Variants in PATJ observed in about 807,000 individuals in gnomAD.
The protein encoded by PATJ is inaD-like protein.
A neutral mutation model predicts 224.9 loss-of-function variants in PATJ; 190 were observed. That is an observed-to-expected ratio of 0.84 (90% confidence interval 0.75 to 0.95). The LOEUF (loss-of-function observed/expected upper bound fraction) is 0.95. Ranked by LOEUF, PATJ falls within the 40% of genes least tolerant of loss-of-function variation. The pLI, the probability that PATJ is intolerant of heterozygous loss-of-function variation, is 0.00. For missense variants in PATJ, 2,121 were observed against 2,270.3 expected, an observed-to-expected ratio of 0.93 and a Z score of 1.34; for synonymous variants, 769 against 820.3, an observed-to-expected ratio of 0.94 and a Z score of 1.07.
chr1:62,075,779 G>A (rs1036016188), intron 31 of PATJ, among the ~76,000 whole-genome samples: 2 of 152,014 alleles, frequency 1.3e-5, no homozygotes, highest in South Asian at 2.1e-4. Context: ...TTAGCCAGGC[G>A]TGGTGGTGGG....
At chr1:62,067,802 C>G (rs906498606) in intron 31 of PATJ, among the ~76,000 whole-genome samples, 1 of 152,156 alleles carries the variant, frequency 6.6e-6, no homozygotes, top group Admixed American at 6.5e-5. Context: ...GAACCACCAT[C>G]TCTGTTTGTT....
intron 37 of PATJ, chr1:62,117,419 T>C (rs1268873504): frequency 7.1e-7 from 1 of 1,400,636 alleles, no homozygotes; most frequent in Non-Finnish European, 9.2e-7. Context: ...TTCTCTCCTT[T>C]ATTGCTTGCA....
intron 27 of PATJ, among the ~76,000 whole-genome samples, chr1:61,969,108 T>C (rs924425689): frequency 2.6e-5 from 4 of 151,748 alleles, no homozygotes; most frequent in Non-Finnish European, 4.4e-5. Flanking sequence ...TAGACCACTT[T>C]GTGTTTTTTT....
At chr1:61,910,740 G>T (rs775422652) in intron 25 of PATJ, among the ~76,000 whole-genome samples, 10 of 151,362 alleles carry the variant, frequency 6.6e-5, no homozygotes, top group Non-Finnish European at 1.3e-4. Context: ...CGCAGACAGG[G>T]TCTCCCCTTA....
At chr1:61,886,819 C>CAAAAAAAAAAAAAAAAAAAAAAACAA in intron 22 of PATJ, among the ~76,000 whole-genome samples, 1 of 87,500 alleles carries the variant, frequency 1.1e-5, no homozygotes, top group African/African-American at 4.0e-5. Context: ...GACCCCATCT[C>CAAAAAAAAAAAAAAAAAAAAAAACAA]AAAAAAAAAA....
At chr1:61,817,626 A>C (rs1035758130) in intron 14 of PATJ, among the ~76,000 whole-genome samples, 3 of 152,186 alleles carry the variant, frequency 2.0e-5, no homozygotes, top group African/African-American at 7.2e-5. Context: ...GCACCATTGC[A>C]CTCCCGCCTG....
chr1:61,780,433 G>C (rs1158312345), intron 7 of PATJ, among the ~76,000 whole-genome samples: 1 of 152,024 alleles, frequency 6.6e-6, no homozygotes, highest in Admixed American at 6.6e-5. Context: ...CCACAGCACT[G>C]CAGCCTGGGC....
intron 7 of PATJ, among the ~76,000 whole-genome samples, chr1:61,777,703 C>CTTTCTTTTTTTT (rs1415203243): frequency 2.1e-5 from 1 of 48,744 alleles, no homozygotes. Context: ...TTCTTTCTTT[C>CTTTCTTTTTTTT]TTTTTTTTTT....
Position 61,854,231 on chromosome 1 carries a change from A to G in PATJ, c.2113-1799A>G, listed in dbSNP as rs373327704. ...ACAGAAAACCTAGCAGTTTTTCTCT[A>G]CTTTCTCTGGAAGGTTTTAAGAGAG... On this transcript the variant is annotated intron_variant, in intron 17 of 43. Transcript: ENST00000642238. Among the ~76,000 whole-genome samples the G allele has an allele frequency of 1.2e-4, 19 of 152,314 alleles. No individual in the cohort carries two copies. In the East Asian group the frequency reaches 3.5e-3, roughly 28 times the overall value.
intron 6 of PATJ, among the ~76,000 whole-genome samples, chr1:61,772,070 C>T (rs1183193840): frequency 1.4e-5 from 2 of 147,034 alleles, no homozygotes; most frequent in Admixed American, 6.8e-5. Context: ...CTGAATGCAG[C>T]GTTAGCATAT....
At chr1:62,073,127 C>T (rs1353168297) in intron 31 of PATJ, 2 of 985,274 alleles carry the variant, frequency 2.0e-6, no homozygotes, top group African/African-American at 1.7e-5. Flanking sequence ...TTTTGCTCTT[C>T]TGGGGTTGCG....
rs1387459520 is a variant in PATJ at position 62,127,964 on chromosome 1, T to C, written c.5044-8T>C. On this transcript the variant is annotated splice_polypyrimidine_tract_variant and splice_region_variant and intron_variant, in intron 39 of 43. Transcript: ENST00000642238. ...ATATAAAAGCATTATGTTTTCTTCC[T>C]TTTTTAGGAGCTCAGTGATGCCCTT... 1 of 1,613,164 alleles carries C rather than the reference T, an allele frequency of 6.2e-7. No homozygotes were observed. Among genetic ancestry groups the C allele is most frequent in the Admixed American group, 1.7e-5 (1 of 59,962 alleles).
In PATJ at chr1:61,907,215, T is replaced by C. The variant is rs769370194; in HGVS notation, c.3382-1157T>C. Among the ~76,000 whole-genome samples, 23 of 152,340 alleles carry C rather than the reference T, an allele frequency of 1.5e-4. No homozygotes were observed. The Middle Eastern group carries it at 0.017, about 113-fold the overall frequency. ...TATAAATTACCTAGTCTTAGGCAGT[T>C]CTTTATAGCAGCGTGAGAACAAAGT... On this transcript the variant is annotated intron_variant, in intron 24 of 43. Coordinates refer to ENST00000642238, the MANE Select transcript of PATJ (RefSeq NM_001350145.3).
chr1:62,087,852 T>C (rs1409869514), intron 33 of PATJ, among the ~76,000 whole-genome samples: 1 of 152,050 alleles, frequency 6.6e-6, no homozygotes, highest in East Asian at 1.9e-4. Flanking sequence ...GAATTTGGTC[T>C]GCGCTGTATC....
At chr1:61,878,146 A>C (rs564599166) in intron 21 of PATJ, among the ~76,000 whole-genome samples, 23 of 152,324 alleles carry the variant, frequency 1.5e-4, no homozygotes, top group Admixed American at 5.9e-4. Context: ...GTGTAGCTGG[A>C]TGGGACATAG....
intron 17 of PATJ, among the ~76,000 whole-genome samples, chr1:61,839,379 AT>A (rs1170916917): frequency 6.6e-6 from 1 of 152,110 alleles, no homozygotes; most frequent in African/African-American, 2.4e-5. Flanking sequence ...GCTCATATGC[AT>A]TGTGTAAGAG....
chr1:62,132,942 G>A (rs1666420055), intron 41 of PATJ, among the ~76,000 whole-genome samples: 1 of 151,992 alleles, frequency 6.6e-6, no homozygotes, highest in Non-Finnish European at 1.5e-5. Flanking sequence ...GTGAATAGGT[G>A]TGATTTTTTT....
intron 3 of PATJ, 55 bp downstream of exon 3, chr1:61,763,234 A>T: frequency 9.3e-7 from 1 of 1,070,128 alleles, no homozygotes; most frequent in Non-Finnish European, 1.3e-6. Context: ...TATTCAAACC[A>T]TCAAAGAAAG....
intron 29 of PATJ, among the ~76,000 whole-genome samples, chr1:62,020,992 GT>G (rs201809933): frequency 0.016 from 2,429 of 149,400 alleles, 71 homozygotes; most frequent in African/African-American, 0.057. Flanking sequence ...GGCCCGGCTA[GT>G]TTTTTTTTTA....
Sources: gnomAD v4.1 joint callset for allele counts (sites outside exome capture counted in the v4.1 genomes callset) on GRCh38, gnomAD v4.1.1 for gene constraint, MANE v1.5 for transcripts, NCBI Gene and HGNC (gene_info 2026-07-23, HGNC 2026-07-21) for gene names.